Variants in COLGALT2 observed in about 807,000 individuals in gnomAD.
COLGALT2 encodes the protein collagen beta(1-O)galactosyltransferase 2, also known as procollagen galactosyltransferase 2.
Under a neutral mutation model 73.4 loss-of-function variants are expected in COLGALT2, and 49 were observed. That is an observed-to-expected ratio of 0.67 (90% CI 0.53 to 0.85). The LOEUF is 0.85. Ranked by LOEUF, COLGALT2 falls within the 40% of genes least tolerant of loss-of-function variation. The pLI, the probability that COLGALT2 is intolerant of heterozygous loss-of-function variation, is 0.00. For synonymous variants in COLGALT2, 295 were observed against 307.6 expected, an observed-to-expected ratio of 0.96 and a Z score of 0.43; for missense variants, 722 against 790.2, an observed-to-expected ratio of 0.91 and a Z score of 1.03.
At chr1:184,034,448 T>C (rs947630653) in intron 1 of COLGALT2, among the ~76,000 whole-genome samples, 2 of 152,186 alleles carry the variant, frequency 1.3e-5, no homozygotes, top group Non-Finnish European at 2.9e-5. Context: ...ATCTGATTTA[T>C]AAATCATTTG....
chr1:183,977,852 C>T (rs12751709), intron 2 of COLGALT2, among the ~76,000 whole-genome samples: 1 of 121,214 alleles, frequency 8.2e-6, no homozygotes, highest in African/African-American at 3.2e-5. Flanking sequence ...AGAAGAGAAG[C>T]GAAGAAAAGA....
chr1:183,998,052 A>C (rs1277289260), intron 1 of COLGALT2, among the ~76,000 whole-genome samples: 1 of 152,200 alleles, frequency 6.6e-6, no homozygotes, highest in Non-Finnish European at 1.5e-5. Flanking sequence ...ATAGGTCTGA[A>C]TATGTTCAAC....
intron 8 of COLGALT2, 125 bp downstream of exon 8, chr1:183,950,882 T>G (rs993959239): frequency 1.5e-6 from 1 of 682,058 alleles, no homozygotes; most frequent in African/African-American, 1.8e-5. Context: ...GGTGGCCGTT[T>G]TGAAAATAAG....
Position 183,936,095 on chromosome 1 carries a change from C to T in COLGALT2, c.*2666G>A, listed in dbSNP as rs555334387. On this transcript the variant is annotated 3_prime_UTR_variant, in exon 12 of 12. Transcript: ENST00000361927. ...TGTCACGGTTGTCTGTCCAGAAGAT[C>T]CCACGTTAGATCCCAAGAGAAATCC... 4.6e-5 allele frequency: 45 copies of T among 985,642 alleles called. No homozygotes were observed. In the South Asian group the frequency reaches 1.4e-3, roughly 30 times the overall value. The allele number at this position is 985,642 out of a possible 1,614,324, so 61.1% of individuals were successfully genotyped here.
chr1:184,001,552 A>C (rs1671927278), intron 1 of COLGALT2, among the ~76,000 whole-genome samples: 1 of 152,136 alleles, frequency 6.6e-6, no homozygotes, highest in African/African-American at 2.4e-5. Context: ...TACTGCATGC[A>C]GTATAATTTT....
chr1:183,932,552 G>A (rs566355243), downstream of COLGALT2, among the ~76,000 whole-genome samples: 2 of 152,250 alleles, frequency 1.3e-5, no homozygotes, highest in East Asian at 1.9e-4. Flanking sequence ...GGCACCCTGC[G>A]AAAAGCTAAG....
intron 1 of COLGALT2, among the ~76,000 whole-genome samples, chr1:184,022,904 A>G (rs1026753040): frequency 6.6e-6 from 1 of 152,218 alleles, no homozygotes; most frequent in South Asian, 2.1e-4. Context: ...AGAAACTCAA[A>G]ACAGCTGGCA....
chr1:184,034,449 A>G (rs1279326895), intron 1 of COLGALT2, among the ~76,000 whole-genome samples: 2 of 152,164 alleles, frequency 1.3e-5, no homozygotes, highest in Admixed American at 1.3e-4. Context: ...TCTGATTTAT[A>G]AATCATTTGG....
intron 1 of COLGALT2, among the ~76,000 whole-genome samples, chr1:184,002,851 C>A (rs528993914): frequency 6.6e-6 from 1 of 152,026 alleles, no homozygotes; most frequent in Non-Finnish European, 1.5e-5. Context: ...TTTTTTTAAC[C>A]CAGCAATACC....
chr1:183,963,850 T>C lies in COLGALT2; in HGVS notation c.952+51A>G, dbSNP rs1670788842. On this transcript the variant is annotated intron_variant, in intron 6 of 11. Transcript: ENST00000361927. ...AAGAGGAGGGAAGTGGCTGGTATGG[T>C]CACTGTGGCAATGGAACGAGAGCCA... 2.7e-6 allele frequency: 4 copies of C among 1,490,126 alleles called. No individual in the cohort carries two copies. In the Admixed American group the frequency reaches 8.0e-5, roughly 30 times the overall value. 92.3% of individuals were successfully genotyped at this position (1,490,126 alleles called of 1,614,324 possible).
chr1:183,963,935 G>A lies in COLGALT2; in HGVS notation c.918C>T (p.Ile306=), dbSNP rs368134488. ...LKPHQTLQED[I]ENLIHVQIEA... Reference sequence around the variant, plus strand: ...CAATCTGCACATGGATGAGGTTCTCGATGTCTTCCTGCAGTGTCTGATGGG... The same window carrying A: ...CAATCTGCACATGGATGAGGTTCTCAATGTCTTCCTGCAGTGTCTGATGGG... Residue 306 remains isoleucine, a synonymous_variant, in exon 6 of 12, where the codon ATC becomes ATT. Coordinates refer to ENST00000361927, the MANE Select transcript of COLGALT2 (RefSeq NM_015101.4). The A allele has an allele frequency of 4.4e-5, 71 of 1,611,646 alleles. No individual in the cohort carries two copies. The highest frequency in any genetic ancestry group is 1.9e-4 in the African/African-American group (14 of 74,906).
In COLGALT2 at chr1:183,951,050, C is replaced by T. The variant is rs773825324; in HGVS notation, c.1093G>A (p.Glu365Lys). The T allele has an allele frequency of 1.9e-6, 3 of 1,613,952 alleles. No individual in the cohort carries two copies. Among genetic ancestry groups the T allele is most frequent in the Non-Finnish European group, 1.7e-6 (2 of 1,179,858 alleles). Residue 365 changes from glutamate (E) to lysine (K), a missense_variant, in exon 8 of 12, where the codon GAA becomes AAA. Physicochemically the swap from Glu to Lys is moderately conservative, Grantham distance 56. Transcript: ENST00000361927. Reference protein sequence around the residue: ...RRDRMLRTLYEQEIEVKIVEA... With the variant: ...RRDRMLRTLYKQEIEVKIVEA... ...ACAATCTTGACCTCAATCTCCTGTT[C>T]ATACAGTGTGCGCAGCATCCGGTCC...
chr1:183,996,767 T>A (rs1415586162), intron 1 of COLGALT2, among the ~76,000 whole-genome samples: 1 of 152,142 alleles, frequency 6.6e-6, no homozygotes, highest in African/African-American at 2.4e-5. Flanking sequence ...AAACTGAAGG[T>A]CTGGACATAC....
rs759641038 is a variant in COLGALT2, at chr1:183,939,086, T to TA, written c.1605-50dup. On this transcript the variant is annotated intron_variant, in intron 11 of 11. Coordinates refer to ENST00000361927, the MANE Select transcript of COLGALT2 (RefSeq NM_015101.4). ...CACATGAGGGGGCGGAAAGGAGACTTACGGAACAGGGACAAAGAGTGAAGG... is the reference window on the plus strand; with the variant it reads ...CACATGAGGGGGCGGAAAGGAGACTTAACGGAACAGGGACAAAGAGTGAAGG... The TA allele has an allele frequency of 5.5e-6, 8 of 1,465,416 alleles. No individual in the cohort carries two copies. The African/African-American group carries it at 1.1e-4, about 20-fold the overall frequency. 90.8% of individuals were successfully genotyped at this position (1,465,416 alleles called of 1,614,324 possible).
Position 183,937,176 on chromosome 1 carries a change from T to A in COLGALT2, c.*1585A>T, listed in dbSNP as rs1174948334. 1 of 1,225,850 alleles carries A rather than the reference T, an allele frequency of 8.2e-7. No homozygotes were observed. The highest frequency in any genetic ancestry group is 1.0e-6 in the Non-Finnish European group (1 of 984,804). The allele number at this position is 1,225,850 out of a possible 1,614,324, so 75.9% of individuals were successfully genotyped here. Reference sequence around the variant, plus strand: ...ACTCTGCTCTGAAGGGCCCTCCCCATGAGTTTAAGTGTGAAGCTCAGGGTT... The same window carrying A: ...ACTCTGCTCTGAAGGGCCCTCCCCAAGAGTTTAAGTGTGAAGCTCAGGGTT... On this transcript the variant is annotated 3_prime_UTR_variant, in exon 12 of 12. Coordinates refer to ENST00000361927, the MANE Select transcript of COLGALT2 (RefSeq NM_015101.4).
In COLGALT2 at chr1:184,011,218, T is replaced by G. The variant is rs150000991; in HGVS notation, c.263+25877A>C. On this transcript the variant is annotated intron_variant, in intron 1 of 11. Transcript: ENST00000361927. ...CCTAGAGTCAAGCACGTTAAGACAC[T>G]GTTCACAGCTGTAAAGTGAATGCTA... Among the ~76,000 whole-genome samples the G allele has an allele frequency of 3.3e-4, 51 of 152,338 alleles. 1 individual carries two copies. In the East Asian group the frequency reaches 8.5e-3, roughly 25 times the overall value.
chr1:183,970,897 T>C (rs776270608), intron 4 of COLGALT2, among the ~76,000 whole-genome samples: 7 of 152,204 alleles, frequency 4.6e-5, no homozygotes, highest in Non-Finnish European at 4.4e-5. Context: ...TTATGAGCAG[T>C]CTTCCAAGAG....
At chr1:183,967,220 C>T (rs1038385191) in intron 5 of COLGALT2, among the ~76,000 whole-genome samples, 29 of 152,338 alleles carry the variant, frequency 1.9e-4, no homozygotes, top group African/African-American at 6.7e-4. Flanking sequence ...TCTTTCCTGC[C>T]TTGACTCCTG....
chr1:183,940,005 C>T (rs1670064168), intron 11 of COLGALT2, among the ~76,000 whole-genome samples: 1 of 152,214 alleles, frequency 6.6e-6, no homozygotes, highest in South Asian at 2.1e-4. Context: ...TCAGGGTAAG[C>T]TCCTGGGCTA....
Sources: allele counts gnomAD v4.1 joint callset (sites outside exome capture counted in the v4.1 genomes callset), GRCh38; gene constraint gnomAD v4.1.1; transcripts MANE v1.5; gene names NCBI Gene and HGNC (gene_info 2026-07-23, HGNC 2026-07-21).